PCDHGB1: variants seen among roughly 807,000 people sequenced by gnomAD.
PCDHGB1 encodes the protein protocadherin gamma-B1.
PCDHGB1 carries 34 observed loss-of-function variants against 56.6 expected under a neutral mutation model. The observed-to-expected ratio is 0.60, with a 90% CI of 0.46 to 0.80. The LOEUF is 0.80. PCDHGB1 is among the 30% of genes least tolerant of loss of function. PCDHGB1 has a pLI of 0.00. For synonymous variants in PCDHGB1, 561 were observed against 505.9 expected, an observed-to-expected ratio of 1.11 and a Z score of -1.46; for missense variants, 1,278 against 1,204.6, an observed-to-expected ratio of 1.06 and a Z score of -0.90.
chr5:141,492,220 C>T (rs1388948434), intron 1 of PCDHGB1, among the ~76,000 whole-genome samples: 2 of 152,190 alleles, frequency 1.3e-5, no homozygotes, highest in Non-Finnish European at 1.5e-5. Context: ...GGGGCTCATG[C>T]GTGTCCTCCC....
chr5:141,428,392 T>A, intron 1 of PCDHGB1: 1 of 497,196 alleles, frequency 2.0e-6, no homozygotes, highest in Admixed American at 3.1e-5. Flanking sequence ...TTCCAGCCCC[T>A]CTGCCTGGGG....
Position 141,389,309 on chromosome 5 carries a change from T to G in PCDHGB1, c.2409+36640T>G, listed in dbSNP as rs763262842. Reference sequence around the variant, plus strand: ...CCTCTATTTCACAAGTCAGGGCTTCTGATCCGGACTTGGGGCCCAACGGCC... The same window carrying G: ...CCTCTATTTCACAAGTCAGGGCTTCGGATCCGGACTTGGGGCCCAACGGCC... On this transcript the variant is annotated intron_variant, in intron 1 of 3. Transcript: ENST00000523390. 8 of 1,614,018 alleles carry G rather than the reference T, an allele frequency of 5.0e-6. No individual in the cohort carries two copies. The South Asian group carries it at 5.5e-5, about 11-fold the overall frequency.
chr5:141,508,790 C>T (rs1181979966), intron 3 of PCDHGB1, among the ~76,000 whole-genome samples: 1 of 152,072 alleles, frequency 6.6e-6, no homozygotes, highest in African/African-American at 2.4e-5. Flanking sequence ...CCCTAAATCA[C>T]TCTGGAATCC....
Position 141,485,373 on chromosome 5 carries a change from C to T in PCDHGB1, c.2410-9434C>T. 2 of 1,614,136 alleles carry T rather than the reference C, an allele frequency of 1.2e-6. No homozygotes were observed. Among genetic ancestry groups the T allele is most frequent in the East Asian group, 2.2e-5 (1 of 44,868 alleles). On this transcript the variant is annotated intron_variant, in intron 1 of 3. Transcript: ENST00000523390. This position sits in a 1 kb window ranked among gnomAD's most constrained non-coding sequence, Gnocchi z 5.7. ...CTGTCAGCTCGCAGGCTGCAGGTCG[C>T]TGGAGAGGTGAACCAAAGACACTTC... is the stretch of plus-strand genomic sequence containing the variant.
chr5:141,455,406 C>A (rs991797932), intron 1 of PCDHGB1, among the ~76,000 whole-genome samples: 1 of 152,108 alleles, frequency 6.6e-6, no homozygotes, highest in Non-Finnish European at 1.5e-5. Flanking sequence ...CTTACAGAGA[C>A]AGAGGGAGCG....
chr5:141,451,212 G>A (rs2098710632), intron 1 of PCDHGB1, among the ~76,000 whole-genome samples: 1 of 152,156 alleles, frequency 6.6e-6, no homozygotes, highest in Non-Finnish European at 1.5e-5. Context: ...AAACTTAGTG[G>A]CTTAAAAGAA....
intron 1 of PCDHGB1, chr5:141,421,043 C>T (rs1201118615): frequency 5.5e-6 from 3 of 548,238 alleles, no homozygotes; most frequent in African/African-American, 3.9e-5. Flanking sequence ...CCTCCCTCCC[C>T]CGCCTCTACC....
At chr5:141,399,473 A>G (rs2093815825) in intron 1 of PCDHGB1, 2 of 1,613,996 alleles carry the variant, frequency 1.2e-6, no homozygotes, top group Non-Finnish European at 1.7e-6. Context: ...CCGGTTTTCC[A>G]CCAGGCGTCC....
At position 141,423,462 on chromosome 5, in the gene PCDHGB1, C is replaced by A. The variant is rs371118964; in HGVS notation, c.2409+70793C>A. ...CCACGTCACATTTTGTAGGCGTGGA[C>A]GGGGTACAGGCTTTCCTGCAAACCT... On this transcript the variant is annotated intron_variant, in intron 1 of 3. Transcript: ENST00000523390. 8.1e-6 allele frequency: 13 copies of A among 1,613,808 alleles called. No homozygotes were observed. The African/African-American group carries it at 1.7e-4, about 22-fold the overall frequency.
intron 1 of PCDHGB1, among the ~76,000 whole-genome samples, chr5:141,425,058 G>A (rs938128250): frequency 1.3e-5 from 2 of 151,986 alleles, no homozygotes; most frequent in African/African-American, 2.4e-5. Context: ...TCTAGGGCTC[G>A]GACAAAAATA....
intron 1 of PCDHGB1, chr5:141,374,475 C>A: frequency 6.2e-7 from 1 of 1,612,136 alleles, no homozygotes; most frequent in Non-Finnish European, 8.5e-7. Flanking sequence ...GACAATACAC[C>A]CCGATTCTTA....
chr5:141,506,740 T>C (rs1006665092), intron 3 of PCDHGB1, among the ~76,000 whole-genome samples: 2 of 152,104 alleles, frequency 1.3e-5, no homozygotes, highest in African/African-American at 2.4e-5. Context: ...ATAATGCCTA[T>C]TAATAAAGAC....
chr5:141,467,268 G>C lies in PCDHGB1; in HGVS notation c.2410-27539G>C, dbSNP rs1195615721. On this transcript the variant is annotated intron_variant, in intron 1 of 3. Transcript: ENST00000523390. The stretch of plus-strand genomic sequence containing the variant: ...GGGTTTCACCATGTTGGCCAGGCTG[G>C]TCTCGAACTCTTGACCTCAAGTGAT... Among the ~76,000 whole-genome samples, 3 of 152,030 alleles carry C rather than the reference G, an allele frequency of 2.0e-5. No homozygotes were observed. The South Asian group carries it at 6.2e-4, about 32-fold the overall frequency.
chr5:141,371,138 G>T (rs761615775), intron 1 of PCDHGB1: 2 of 1,613,988 alleles, frequency 1.2e-6, no homozygotes, highest in South Asian at 1.1e-5. Flanking sequence ...ACATGTACAG[G>T]GTCAATGTTG....
chr5:141,413,639 GT>G, intron 1 of PCDHGB1: 1 of 1,613,854 alleles, frequency 6.2e-7, no homozygotes, highest in South Asian at 1.1e-5. Context: ...GCGGGAATGC[GT>G]TTTCCTCTCC....
At chr5:141,461,430 A>G (rs1239117668) in intron 1 of PCDHGB1, among the ~76,000 whole-genome samples, 2 of 151,992 alleles carry the variant, frequency 1.3e-5, no homozygotes, top group African/African-American at 4.8e-5. Context: ...GGCCATTTGT[A>G]TACCTTCTTT....
At chr5:141,447,238 C>T (rs1028683423) in intron 1 of PCDHGB1, among the ~76,000 whole-genome samples, 1 of 152,148 alleles carries the variant, frequency 6.6e-6, no homozygotes, top group Non-Finnish European at 1.5e-5. Context: ...CTCCCGGGTT[C>T]AAGTGATTCT....
At chr5:141,400,357 T>C (rs769075513) in intron 1 of PCDHGB1, 1 of 1,614,052 alleles carries the variant, frequency 6.2e-7, no homozygotes, top group Non-Finnish European at 8.5e-7. Flanking sequence ...TCAGGGGACT[T>C]TGCCTTATTC....
At chr5:141,404,215 G>T (rs1372288822) in intron 1 of PCDHGB1, 15 of 1,613,346 alleles carry the variant, frequency 9.3e-6, no homozygotes, top group Non-Finnish European at 1.3e-5. Context: ...ATAATATCAC[G>T]GTGACTGCAA....
Sources: allele counts gnomAD v4.1 joint callset (sites outside exome capture counted in the v4.1 genomes callset), GRCh38; gene constraint gnomAD v4.1.1; non-coding constraint Gnocchi (gnomAD v3.1); transcripts MANE v1.5; gene names NCBI Gene and HGNC (gene_info 2026-07-23, HGNC 2026-07-21).